SECISBP2: variants seen among roughly 807,000 people sequenced by gnomAD.
The protein encoded by SECISBP2 is SECIS binding protein 2.
Under a neutral mutation model 98.2 loss-of-function variants are expected in SECISBP2, and 96 were observed. The observed-to-expected ratio is 0.98, with a 90% CI of 0.83 to 1.16. The LOEUF is 1.16. SECISBP2 is among the 50% of genes most tolerant of loss of function. The probability of loss-of-function intolerance (pLI) is 0.00; values close to 1 mark genes in which losing one functional copy is unlikely to be tolerated. For synonymous variants in SECISBP2, 407 were observed against 370.2 expected, an observed-to-expected ratio of 1.10 and a Z score of -1.14; for missense variants, 1,046 against 1,022.9, an observed-to-expected ratio of 1.02 and a Z score of -0.31.
intron 5 of SECISBP2, chr9:89,332,668 A>C (rs1827953625): frequency 3.7e-6 from 2 of 533,934 alleles, no homozygotes; most frequent in South Asian, 4.2e-5. Flanking sequence ...ATAAGTTTTC[A>C]CCTCCTTTGG....
At chr9:89,365,161 G>C in the SECISBP2 span, 43,333 of 152,264 alleles carry the variant, frequency 0.28, 6,542 homozygotes, top group South Asian at 0.42. Context: ...GGGGGCCACA[G>C]TCCCACTAAG....
chr9:89,343,739 TGTTGCTGGGCATTTAG>T (rs1265393549), intron 10 of SECISBP2, among the ~76,000 whole-genome samples: 2 of 152,250 alleles, frequency 1.3e-5, no homozygotes, highest in Non-Finnish European at 1.5e-5. Flanking sequence ...TCCAGTGTAC[TGTTGCTGGGCATTTAG>T]GTTGATTTCA....
intron 14 of SECISBP2, chr9:89,357,040 T>C: frequency 5.8e-6 from 2 of 345,426 alleles, no homozygotes; most frequent in Non-Finnish European, 1.1e-5. Context: ...CGACCAGGGG[T>C]ACAATGTGGG....
intron 14 of SECISBP2, chr9:89,355,108 A>G (rs1831870057): frequency 3.0e-6 from 3 of 985,466 alleles, no homozygotes; most frequent in East Asian, 1.1e-4. Flanking sequence ...CTCCTATCCA[A>G]CTAGATGCAG....
intron 6 of SECISBP2, among the ~76,000 whole-genome samples, chr9:89,333,237 A>C (rs1260187998): frequency 6.6e-6 from 1 of 152,220 alleles, no homozygotes; most frequent in Non-Finnish European, 1.5e-5. Flanking sequence ...AAATTTTATG[A>C]ACTCAGCAGT....
chr9:89,341,815 A>G (rs866082384), intron 10 of SECISBP2, among the ~76,000 whole-genome samples: 2 of 152,356 alleles, frequency 1.3e-5, no homozygotes, highest in East Asian at 1.9e-4. Flanking sequence ...AAATGAATCA[A>G]TGAGCTAAAT....
At chr9:89,329,065 T>C (rs1038951278) in intron 5 of SECISBP2, 179 bp downstream of exon 5, 2 of 615,346 alleles carry the variant, frequency 3.3e-6, no homozygotes, top group Admixed American at 2.9e-5. Context: ...CAGTTTATAA[T>C]GAGGCTGTAA....
chr9:89,356,898 G>T (rs1346844147), intron 14 of SECISBP2: 1 of 199,116 alleles, frequency 5.0e-6, no homozygotes, highest in African/African-American at 2.3e-5. Flanking sequence ...GGTTTTCCAG[G>T]TGCATCACCT....
rs1235926515 is a variant in SECISBP2, at chr9:89,319,766, T to C, written c.151T>C (p.Tyr51His). 1 of 1,614,112 alleles carries C rather than the reference T, an allele frequency of 6.2e-7. No homozygotes were observed. Among genetic ancestry groups the C allele is most frequent in the Non-Finnish European group, 8.5e-7 (1 of 1,180,032 alleles). Reference protein sequence around the residue: ...CVFPSSAATYYPFVQEPPVTE... With the variant: ...CVFPSSAATYHPFVQEPPVTE... Reference sequence around the variant, plus strand: ...CTTCCCCAGCTCTGCAGCCACATACTATCCGTTTGTTCAGGAACCACCAGT... The same window carrying C: ...CTTCCCCAGCTCTGCAGCCACATACCATCCGTTTGTTCAGGAACCACCAGT... The change falls in exon 2 of 17, where the codon TAT (tyrosine) becomes CAT (histidine). Residue 51 changes from tyrosine (Y) to histidine (H), a missense_variant. Transcript: ENST00000375807.
rs148366421 is a variant in SECISBP2 at position 89,334,682 on chromosome 9, G to C, written c.1041G>C (p.Ser347=). The C allele has an allele frequency of 1.2e-6, 2 of 1,613,902 alleles. No homozygotes were observed. ...VSIPSSEALS[S]DPSYNKEKHI... is the part of the protein sequence containing the mutation. ...TACCATCTTCTGAAGCTTTATCTTC[G>C]GATCCTTCCTACAACAAAGAAAAAC... Residue 347 remains serine (S), a synonymous_variant, in exon 7 of 17, where the codon TCG becomes TCC. Transcript: ENST00000375807.
chr9:89,357,366 C>A (rs962325945), intron 14 of SECISBP2, 45 bp from the exon 15 acceptor site: 1 of 1,610,102 alleles, frequency 6.2e-7, no homozygotes, highest in African/African-American at 1.3e-5. Context: ...ACACCACACT[C>A]CATGTGACAT....
intron 12 of SECISBP2, 108 bp downstream of exon 12, chr9:89,348,322 T>C: frequency 7.6e-7 from 1 of 1,320,646 alleles, no homozygotes; most frequent in South Asian, 1.2e-5. Flanking sequence ...CCTCTTCCTT[T>C]TGTGGTGAAA....
chr9:89,342,150 TACACA>T (rs746319261), intron 10 of SECISBP2, among the ~76,000 whole-genome samples: 165 of 152,334 alleles, frequency 1.1e-3, no homozygotes, highest in Non-Finnish European at 2.0e-3. Flanking sequence ...TCTCCAGAAG[TACACA>T]AGTGGTCAAT....
At chr9:89,363,437 T>C, downstream of SECISBP2, 1 of 1,613,296 alleles carries the variant, frequency 6.2e-7, no homozygotes, top group East Asian at 2.2e-5. Context: ...TACCCACGCC[T>C]TCCTCCAGCT....
Position 89,318,571 on chromosome 9 carries a change from C to T in SECISBP2, c.-6C>T, listed in dbSNP as rs1031287961. On this transcript the variant is annotated 5_prime_UTR_variant, in exon 1 of 17. Transcript: ENST00000375807. ...CCGTGACGCGGCCTCCTCCGCGCCTCGCGGCATGGCGTCGGAGGGGCCGCG... is the reference window on the plus strand; with the variant it reads ...CCGTGACGCGGCCTCCTCCGCGCCTTGCGGCATGGCGTCGGAGGGGCCGCG... The T allele has an allele frequency of 2.0e-6, 3 of 1,500,548 alleles. No individual in the cohort carries two copies. The highest frequency in any genetic ancestry group is 2.7e-6 in the Non-Finnish European group (3 of 1,130,864). The allele number at this position is 1,500,548 out of a possible 1,614,324, so 93.0% of individuals were successfully genotyped here.
the SECISBP2 span, among the ~76,000 whole-genome samples, chr9:89,365,837 TGAAAA>T: frequency 1.3e-5 from 2 of 152,198 alleles, no homozygotes; most frequent in African/African-American, 2.4e-5. Context: ...GCTGGACTTT[TGAAAA>T]GAAGAGATCG....
intron 12 of SECISBP2, among the ~76,000 whole-genome samples, chr9:89,349,232 C>T (rs978102923): frequency 6.6e-6 from 1 of 152,134 alleles, no homozygotes; most frequent in Admixed American, 6.5e-5. Flanking sequence ...TTTTGATAGT[C>T]GGTAGAAGTA....
intron 4 of SECISBP2, among the ~76,000 whole-genome samples, chr9:89,327,740 T>C (rs766090853): frequency 6.6e-6 from 1 of 152,126 alleles, no homozygotes; most frequent in African/African-American, 2.4e-5. Flanking sequence ...TAACAATGCC[T>C]TATTCTGGAA....
chr9:89,359,228 G>A lies in SECISBP2; in HGVS notation c.*404G>A, dbSNP rs1486115607. The A allele has an allele frequency of 3.1e-6, 1 of 320,166 alleles. No individual in the cohort carries two copies. The highest frequency in any genetic ancestry group is 2.2e-5 in the African/African-American group (1 of 45,792). The allele number at this position is 320,166 out of a possible 1,614,324, so 19.8% of individuals were successfully genotyped here. A position where few individuals can be genotyped will look rare whatever the true frequency, so the allele number is the denominator to read the frequency against. On this transcript the variant is annotated 3_prime_UTR_variant, in exon 17 of 17. Coordinates refer to ENST00000375807, the MANE Select transcript of SECISBP2 (RefSeq NM_024077.5). ...CTGCCTGCTGGAGGTTGCCATGGAG[G>A]GCCATTCCTGCCCGGCAACAGCACC...
Sources: gnomAD v4.1 joint callset for allele counts (sites outside exome capture counted in the v4.1 genomes callset) on GRCh38, gnomAD v4.1.1 for gene constraint, MANE v1.5 for transcripts, NCBI Gene and HGNC (gene_info 2026-07-23, HGNC 2026-07-21) for gene names.